Variants in SLC38A6 observed in about 807,000 individuals in gnomAD.
SLC38A6 encodes the protein solute carrier family 38 member 6.
A neutral mutation model predicts 65.0 loss-of-function variants in SLC38A6; 73 were observed. The ratio of observed to expected loss-of-function variants is 1.12; its 90% CI spans 0.93 to 1.37. The LOEUF (loss-of-function observed/expected upper bound fraction) is 1.37, where lower values mean the gene tolerates loss of function less well. Among genes scored for constraint, SLC38A6 ranks in the 40% most tolerant of loss-of-function variants. SLC38A6 has a pLI of 0.00. For missense variants in SLC38A6, 561 were observed against 531.1 expected (o/e 1.06, Z -0.55); for synonymous variants, 183 against 178.8 (o/e 1.02, Z -0.19).
In SLC38A6 at chr14:61,037,078, C is replaced by A. The variant is rs774837691; in HGVS notation, c.502C>A (p.Gln168Lys). Residue 168 changes from glutamine (Q) to lysine (K), a missense_variant, in exon 7 of 16, where the codon CAA (glutamine) becomes AAA (lysine). Physicochemically the swap from Gln to Lys is moderately conservative, Grantham distance 53. Transcript: ENST00000267488. Reference protein sequence around the residue: ...DYSRYWYLDGQTLLIIICVGI... With the variant: ...DYSRYWYLDGKTLLIIICVGI... ...TAATAGATATTGGTATCTTGATGGA[C>A]AAACACTACTAATAATCATATGTGT... 2.5e-6 allele frequency: 4 copies of A among 1,609,476 alleles called. No homozygotes were observed. Among genetic ancestry groups the A allele is most frequent in the South Asian group, 2.2e-5 (2 of 90,874 alleles).
intron 3 of SLC38A6, among the ~76,000 whole-genome samples, chr14:60,991,350 A>T (rs919595293): frequency 6.6e-6 from 1 of 152,174 alleles, no homozygotes; most frequent in African/African-American, 2.4e-5. Context: ...ACTTAGCATC[A>T]TTCTAAGGAC....
chr14:61,043,590 T>C, intron 10 of SLC38A6, 87 bp downstream of exon 10: 1 of 889,008 alleles, frequency 1.1e-6, no homozygotes, highest in Non-Finnish European at 1.7e-6. Flanking sequence ...CTTAGGTCTT[T>C]GTACCTGTGA....
At chr14:61,066,081 A>G (rs1402700002) in intron 15 of SLC38A6, among the ~76,000 whole-genome samples, 2 of 152,212 alleles carry the variant, frequency 1.3e-5, no homozygotes, top group Admixed American at 1.3e-4. Context: ...TTTTCTGCCT[A>G]GATTTTAGGT....
chr14:61,026,881 T>G (rs2040640300), intron 5 of SLC38A6, among the ~76,000 whole-genome samples: 1 of 152,098 alleles, frequency 6.6e-6, no homozygotes, highest in African/African-American at 2.4e-5. Flanking sequence ...ACAGTAGGCA[T>G]CTAAAAAACA....
intron 1 of SLC38A6, among the ~76,000 whole-genome samples, chr14:60,981,898 C>T (rs1022668529): frequency 1.3e-5 from 2 of 152,168 alleles, no homozygotes; most frequent in African/African-American, 2.4e-5. Flanking sequence ...GGGCACTCCG[C>T]TTTTTAACTC....
chr14:60,981,292 G>C lies in SLC38A6; in HGVS notation c.15G>C (p.Trp5Cys), dbSNP rs751058053. 6.2e-7 allele frequency: 1 copy of C among 1,607,178 alleles called. No individual in the cohort carries two copies. Among genetic ancestry groups the C allele is most frequent in the Non-Finnish European group, 8.5e-7 (1 of 1,177,190 alleles). Residue 5 changes from tryptophan to cysteine, a missense_variant, in exon 1 of 16, where the codon TGG becomes TGC. By Grantham distance (215) the Trp-to-Cys change is radical. Transcript: ENST00000267488. Reference protein sequence around the residue: MEASWGSFNAERGWY... With the variant: MEASCGSFNAERGWY... ...TGGAGAGCAGCATGGAGGCGTCCTGGGGGAGCTTCAACGCTGAGCGGGGCT... is the reference window on the plus strand; with the variant it reads ...TGGAGAGCAGCATGGAGGCGTCCTGCGGGAGCTTCAACGCTGAGCGGGGCT...
At chr14:60,997,769 A>G (rs2038398571) in intron 3 of SLC38A6, among the ~76,000 whole-genome samples, 1 of 152,222 alleles carries the variant, frequency 6.6e-6, no homozygotes, top group South Asian at 2.1e-4. Context: ...TGTGGACAAT[A>G]AAGGAGAAGT....
intron 12 of SLC38A6, among the ~76,000 whole-genome samples, chr14:61,047,791 GTC>G (rs1225375886): frequency 6.6e-6 from 1 of 151,978 alleles, no homozygotes; most frequent in East Asian, 1.9e-4. Flanking sequence ...CCATTATGTT[GTC>G]TCTGATTTAA....
At chr14:61,077,989 A>G (rs1222114926) in intron 15 of SLC38A6, among the ~76,000 whole-genome samples, 1 of 152,236 alleles carries the variant, frequency 6.6e-6, no homozygotes, top group Non-Finnish European at 1.5e-5. Flanking sequence ...TTTCCCTGTC[A>G]CAAAGCATTG....
At chr14:61,033,369 A>G (rs959169862) in intron 6 of SLC38A6, among the ~76,000 whole-genome samples, 14 of 152,076 alleles carry the variant, frequency 9.2e-5, no homozygotes, top group African/African-American at 2.4e-5. Context: ...GAACATTTTT[A>G]TCATACAGGA....
intron 6 of SLC38A6, among the ~76,000 whole-genome samples, chr14:61,031,678 G>A (rs1393735985): frequency 6.7e-6 from 1 of 149,404 alleles, no homozygotes; most frequent in Admixed American, 6.6e-5. Context: ...TTATGCTTAG[G>A]TTGATAAACA....
chr14:61,076,934 G>A (rs994604773), intron 15 of SLC38A6, among the ~76,000 whole-genome samples: 2 of 152,178 alleles, frequency 1.3e-5, no homozygotes, highest in Non-Finnish European at 1.5e-5. Flanking sequence ...ATCCATTTCT[G>A]TGTTCTGTGA....
rs150969965 is a variant in SLC38A6, at chr14:61,007,536, A to C, written c.311-8368A>C. Among the ~76,000 whole-genome samples the C allele has an allele frequency of 1.1e-3, 163 of 152,236 alleles. No homozygotes were observed. The East Asian group carries it at 0.022, about 21-fold the overall frequency. ...ATGTGCCTGTGGTCCCAGCAACTCC[A>C]GGGGCTGAGGCAGGAGGATTGCTTG... On this transcript the variant is annotated intron_variant, in intron 3 of 15. Coordinates refer to ENST00000267488, the MANE Select transcript of SLC38A6 (RefSeq NM_153811.3).
chr14:61,028,535 C>G (rs547739791), intron 5 of SLC38A6, among the ~76,000 whole-genome samples: 70 of 152,256 alleles, frequency 4.6e-4, no homozygotes, highest in African/African-American at 1.5e-3. Flanking sequence ...AACCTTCCTT[C>G]TGTTCTGTGC....
At chr14:61,004,230 T>A (rs191625369) in intron 3 of SLC38A6, among the ~76,000 whole-genome samples, 7 of 152,350 alleles carry the variant, frequency 4.6e-5, no homozygotes, top group Admixed American at 3.3e-4. Context: ...ATTTGCTTGC[T>A]ACATTTGCTA....
At chr14:61,037,733 C>A in intron 8 of SLC38A6, 50 bp downstream of exon 8, 1 of 1,234,464 alleles carries the variant, frequency 8.1e-7, no homozygotes, top group Non-Finnish European at 1.1e-6. Context: ...AAATTGGACT[C>A]ATTGTGTTAG....
chr14:61,027,744 CTAG>C (rs2040690026), intron 5 of SLC38A6, among the ~76,000 whole-genome samples: 1 of 1,664 alleles, frequency 6.0e-4, no homozygotes, highest in Admixed American at 4.1e-3. Context: ...TGTTAAAGTG[CTAG>C]CTAGTTCTTA....
chr14:60,988,212 A>G (rs2037596521), intron 3 of SLC38A6, among the ~76,000 whole-genome samples: 2 of 152,222 alleles, frequency 1.3e-5, no homozygotes, highest in East Asian at 3.9e-4. Flanking sequence ...TAATTTGAAG[A>G]TGGTATAGGT....
intron 4 of SLC38A6, among the ~76,000 whole-genome samples, chr14:61,016,733 G>A (rs2040036317): frequency 6.6e-6 from 1 of 152,028 alleles, no homozygotes; most frequent in Non-Finnish European, 1.5e-5. Context: ...CTCCAAACAG[G>A]AATTCTTTTG....
Sources: allele counts gnomAD v4.1 joint callset (sites outside exome capture counted in the v4.1 genomes callset), GRCh38; gene constraint gnomAD v4.1.1; transcripts MANE v1.5; gene names NCBI Gene and HGNC (gene_info 2026-07-23, HGNC 2026-07-21).